The following NWD2 variants were observed in gnomAD, a reference collection of about 807,000 sequenced individuals.
NWD2 encodes the protein NACHT and WD repeat domain-containing protein 2.
NWD2 carries 37 observed loss-of-function variants against 132.7 expected under a neutral mutation model. The observed-to-expected ratio is 0.28, with a 90% CI of 0.21 to 0.37. The LOEUF (loss-of-function observed/expected upper bound fraction) is 0.37, where lower values mean the gene tolerates loss of function less well. Ranked by LOEUF, NWD2 falls within the 10% of genes least tolerant of loss-of-function variation. NWD2 has a pLI of 1.00. For missense variants in NWD2, 1,592 were observed against 2,122.4 expected, an observed-to-expected ratio of 0.75 and a Z score of 4.91; for synonymous variants, 705 against 803.0, an observed-to-expected ratio of 0.88 and a Z score of 2.06.
chr4:37,314,303 A>G (rs1478703121), intron 1 of NWD2, among the ~76,000 whole-genome samples: 1 of 152,168 alleles, frequency 6.6e-6, no homozygotes, highest in Non-Finnish European at 1.5e-5. Context: ...GTAGGATAAT[A>G]TAGACTTACA....
chr4:37,372,376 A>C lies in NWD2; in HGVS notation c.357+15894A>C, dbSNP rs10021389. Among the ~76,000 whole-genome samples, 503 of 152,336 alleles carry C rather than the reference A, an allele frequency of 3.3e-3. 2 individuals carry two copies. Among genetic ancestry groups the C allele is most frequent in the African/African-American group, 0.011 (476 of 41,574 alleles). On this transcript the variant is annotated intron_variant, in intron 3 of 6. Transcript: ENST00000309447. ...ATGAGGTAATAACTGAAAAAGAATAAAAGATTTCTGATTCTTGCCAGGACA... is the reference window on the plus strand; with the variant it reads ...ATGAGGTAATAACTGAAAAAGAATACAAGATTTCTGATTCTTGCCAGGACA...
intron 1 of NWD2, among the ~76,000 whole-genome samples, chr4:37,260,015 C>T (rs573630943): frequency 1.3e-5 from 2 of 152,324 alleles, no homozygotes; most frequent in South Asian, 4.1e-4. Context: ...AAGTTAGGAA[C>T]CTTGCCACTC....
chr4:37,383,711 C>T (rs1206998854), intron 3 of NWD2, among the ~76,000 whole-genome samples: 1 of 152,242 alleles, frequency 6.6e-6, no homozygotes, highest in South Asian at 2.1e-4. Flanking sequence ...ACATAGGTAA[C>T]TGCTTTGTAC....
chr4:37,447,239 A>G lies in NWD2; in HGVS notation c.*22A>G, dbSNP rs1365623048. On this transcript the variant is annotated 3_prime_UTR_variant, in exon 7 of 7. Transcript: ENST00000309447. ...CTGACAAAATGTTTTCCAGCTAAGC[A>G]GAAATATGTGATCCACGTACAGAAG... 4.6e-6 allele frequency: 7 copies of G among 1,519,258 alleles called. No individual in the cohort carries two copies. The highest frequency in any genetic ancestry group is 6.2e-6 in the Non-Finnish European group (7 of 1,124,662). 94.1% of individuals were successfully genotyped at this position (1,519,258 alleles called of 1,614,324 possible). A position where few individuals can be genotyped will look rare whatever the true frequency, so the allele number is the denominator to read the frequency against.
intron 3 of NWD2, among the ~76,000 whole-genome samples, chr4:37,392,499 A>T (rs1284723444): frequency 6.6e-6 from 1 of 152,092 alleles, no homozygotes; most frequent in Non-Finnish European, 1.5e-5. Flanking sequence ...TGCCAATACT[A>T]ACCCCTCTGC....
chr4:37,380,589 T>G (rs974275459), intron 3 of NWD2, among the ~76,000 whole-genome samples: 1 of 152,192 alleles, frequency 6.6e-6, no homozygotes, highest in Non-Finnish European at 1.5e-5. Context: ...ATGCTAGCTA[T>G]GGTTATTATT....
Position 37,443,493 on chromosome 4 carries a change from A to G in NWD2, c.1505A>G (p.Glu502Gly). The G allele has an allele frequency of 6.4e-7, 1 of 1,552,112 alleles. No individual in the cohort carries two copies. Among genetic ancestry groups the G allele is most frequent in the Non-Finnish European group, 8.7e-7 (1 of 1,147,076 alleles). ...GACTTATTTATAAATCTTTTGAATGAGTCTTCACTGCAGAGACCTCTAGTC... is the reference window on the plus strand; with the variant it reads ...GACTTATTTATAAATCTTTTGAATGGGTCTTCACTGCAGAGACCTCTAGTC... ...LCDLFINLLN[E>G]SSLQRPLVII... Residue 502 changes from glutamate to glycine, a missense_variant, in exon 7 of 7, where the codon GAG becomes GGG. Glu to Gly is a moderately conservative substitution (Grantham distance 98). Transcript: ENST00000309447. This position sits in a 1 kb window ranked among gnomAD's most constrained non-coding sequence, Gnocchi z 4.1.
At chr4:37,257,346 A>G (rs1717541366) in intron 1 of NWD2, among the ~76,000 whole-genome samples, 1 of 152,210 alleles carries the variant, frequency 6.6e-6, no homozygotes, top group South Asian at 2.1e-4. Flanking sequence ...AAACATTATA[A>G]TGTGTCCTAA....
chr4:37,391,356 G>A (rs1030757931), intron 3 of NWD2, among the ~76,000 whole-genome samples: 3 of 152,172 alleles, frequency 2.0e-5, no homozygotes, highest in East Asian at 3.9e-4. Context: ...ACATGTAGAC[G>A]TGCCTGCAGG....
Position 37,443,615 on chromosome 4 carries a change from CT to C in NWD2, c.1630del (p.Ser544ProfsTer13). 6.4e-7 allele frequency: 1 copy of C among 1,551,860 alleles called. No individual in the cohort carries two copies. Among genetic ancestry groups the C allele is most frequent in the Non-Finnish European group, 8.7e-7 (1 of 1,147,020 alleles). On this transcript the variant is annotated frameshift_variant, in exon 7 of 7. Transcript: ENST00000309447. LOFTEE classifies it high-confidence loss of function. The surrounding 1 kb of genome is among the most constrained non-coding windows in gnomAD (Gnocchi z 4.1). The part of the protein sequence containing the change: ...AHLPRFVRIV[L>X]STLPNKHGIL... ...CCTGCCCCGCTTTGTCCGGATAGTC[CT>C]TTCCACGCTGCCCAACAAACATGGG...
intron 1 of NWD2, among the ~76,000 whole-genome samples, chr4:37,271,472 T>C (rs1187687129): frequency 6.6e-6 from 1 of 151,876 alleles, no homozygotes; most frequent in East Asian, 1.9e-4. Context: ...TTATTTCAAG[T>C]GGAATTATCT....
At chr4:37,296,109 T>A (rs1718483733) in intron 1 of NWD2, among the ~76,000 whole-genome samples, 1 of 152,200 alleles carries the variant, frequency 6.6e-6, no homozygotes, top group Non-Finnish European at 1.5e-5. Context: ...CTTTCCTAAG[T>A]CTATTTCATG....
At chr4:37,421,170 C>A (rs1711797474) in intron 3 of NWD2, among the ~76,000 whole-genome samples, 1 of 152,166 alleles carries the variant, frequency 6.6e-6, no homozygotes, top group Non-Finnish European at 1.5e-5. Flanking sequence ...GAAAACTCGG[C>A]TCCTTTTGTA....
rs577129757 is a variant in NWD2 at position 37,412,608 on chromosome 4, C to G, written c.358-17964C>G. 1.2e-4 allele frequency among the ~76,000 whole-genome samples: 18 copies of G among 152,202 alleles called. No homozygotes were observed. The South Asian group carries it at 3.3e-3, about 28-fold the overall frequency. On this transcript the variant is annotated intron_variant, in intron 3 of 6. Coordinates refer to ENST00000309447, the MANE Select transcript of NWD2 (RefSeq NM_001144990.2). ...TCCCCATCAAGCTACCATGGACTTT[C>G]TTCACAGCATTGCAAAAAACTACTT...
chr4:37,362,325 T>A (rs1474008341), intron 3 of NWD2, among the ~76,000 whole-genome samples: 1 of 152,184 alleles, frequency 6.6e-6, no homozygotes, highest in Non-Finnish European at 1.5e-5. Context: ...ATTCTAAAAC[T>A]TATATGGAAC....
intron 2 of NWD2, among the ~76,000 whole-genome samples, chr4:37,337,689 C>A (rs1719437952): frequency 6.6e-6 from 1 of 152,216 alleles, no homozygotes; most frequent in Non-Finnish European, 1.5e-5. Context: ...TCCCTAAACC[C>A]CCAATGAGAG....
chr4:37,272,824 T>G (rs1717900820), intron 1 of NWD2, among the ~76,000 whole-genome samples: 1 of 151,798 alleles, frequency 6.6e-6, no homozygotes, highest in South Asian at 2.1e-4. Context: ...TTTCTGTTTC[T>G]TACAGCAAGA....
At chr4:37,291,758 CAT>C (rs1718365566) in intron 1 of NWD2, among the ~76,000 whole-genome samples, 1 of 151,914 alleles carries the variant, frequency 6.6e-6, no homozygotes, top group Admixed American at 6.6e-5. Context: ...CAGTGTTTTT[CAT>C]ATGAGAGATA....
chr4:37,377,196 A>C (rs9992155), intron 3 of NWD2, among the ~76,000 whole-genome samples: 3,554 of 152,252 alleles, frequency 0.023, 149 homozygotes, highest in African/African-American at 0.082. Context: ...GGACCACTCC[A>C]ATCACCATGT....
Sources: gnomAD v4.1 joint callset for allele counts (sites outside exome capture counted in the v4.1 genomes callset) on GRCh38, gnomAD v4.1.1 for gene constraint, Gnocchi (gnomAD v3.1) non-coding constraint, MANE v1.5 for transcripts, NCBI Gene and HGNC (gene_info 2026-07-23, HGNC 2026-07-21) for gene names.